The following ADGRB3 variants were observed in gnomAD, a reference collection of about 807,000 sequenced individuals.
The protein encoded by ADGRB3 is brain-specific angiogenesis inhibitor 3.
Under a neutral mutation model 193.4 loss-of-function variants are expected in ADGRB3, and 37 were observed. The ratio of observed to expected loss-of-function variants is 0.19; its 90% CI spans 0.15 to 0.25. The LOEUF (loss-of-function observed/expected upper bound fraction) is 0.25. Among genes scored for constraint, ADGRB3 ranks in the 10% least tolerant of loss-of-function variants. The probability of loss-of-function intolerance (pLI) is 1.00; values close to 1 mark genes in which losing one functional copy is unlikely to be tolerated. For missense variants in ADGRB3, 1,637 were observed against 1,852.9 expected, an observed-to-expected ratio of 0.88 and a Z score of 2.14; for synonymous variants, 690 against 644.2, an observed-to-expected ratio of 1.07 and a Z score of -1.08.
chr6:68,943,153 A>G (rs1426001470), intron 5 of ADGRB3, among the ~76,000 whole-genome samples: 1 of 152,144 alleles, frequency 6.6e-6, no homozygotes, highest in Admixed American at 6.5e-5. Context: ...TTCTGGTTTC[A>G]TCGTCATTAG....
intron 3 of ADGRB3, among the ~76,000 whole-genome samples, chr6:68,801,093 T>C (rs1367107092): frequency 6.6e-6 from 1 of 152,250 alleles, no homozygotes; most frequent in Non-Finnish European, 1.5e-5. Flanking sequence ...AATTAATATG[T>C]ACAGCATTTA....
chr6:69,004,072 A>G (rs1411657469), intron 11 of ADGRB3, among the ~76,000 whole-genome samples: 2 of 152,200 alleles, frequency 1.3e-5, no homozygotes, highest in Non-Finnish European at 2.9e-5. Flanking sequence ...TGAGATTTGC[A>G]TTAGTAAAAG....
chr6:69,141,040 G>T (rs950851253), intron 17 of ADGRB3, among the ~76,000 whole-genome samples: 1 of 150,694 alleles, frequency 6.6e-6, no homozygotes, highest in Admixed American at 6.6e-5. Context: ...ACAATATTTG[G>T]ATAGTAAATG....
intron 17 of ADGRB3, among the ~76,000 whole-genome samples, chr6:69,219,494 CGTGT>C (rs1208865300): frequency 1.5e-5 from 1 of 68,080 alleles, no homozygotes; most frequent in African/African-American, 4.4e-5. Flanking sequence ...TATATATATA[CGTGT>C]GTGTGTATAT....
At chr6:69,148,016 TTG>T (rs1774554720) in intron 17 of ADGRB3, among the ~76,000 whole-genome samples, 1 of 152,166 alleles carries the variant, frequency 6.6e-6, no homozygotes, top group African/African-American at 2.4e-5. Flanking sequence ...TTCAGTCTAT[TTG>T]TGTTTTTATA....
intron 15 of ADGRB3, among the ~76,000 whole-genome samples, chr6:69,050,484 C>CA (rs969971321): frequency 1.3e-5 from 2 of 151,952 alleles, no homozygotes; most frequent in Non-Finnish European, 2.9e-5. Flanking sequence ...AGTTTGAAAA[C>CA]AAAAAAGTCT....
chr6:69,209,736 A>T (rs757831401), intron 17 of ADGRB3, among the ~76,000 whole-genome samples: 1 of 152,234 alleles, frequency 6.6e-6, no homozygotes, highest in African/African-American at 2.4e-5. Context: ...GCATTTGCCA[A>T]GTCAATGGCT....
At chr6:69,367,186 G>T (rs1250165599) in intron 29 of ADGRB3, among the ~76,000 whole-genome samples, 1 of 152,066 alleles carries the variant, frequency 6.6e-6, no homozygotes, top group African/African-American at 2.4e-5. Flanking sequence ...AAGAGTTTTG[G>T]CATATTCTCA....
chr6:69,018,802 C>T (rs932287197), intron 13 of ADGRB3, among the ~76,000 whole-genome samples: 4 of 151,858 alleles, frequency 2.6e-5, no homozygotes, highest in African/African-American at 9.7e-5. Flanking sequence ...GCCAAATGCT[C>T]ATTGCTATCT....
At chr6:68,733,415 C>T (rs1765810743) in intron 3 of ADGRB3, among the ~76,000 whole-genome samples, 1 of 151,616 alleles carries the variant, frequency 6.6e-6, no homozygotes, top group Non-Finnish European at 1.5e-5. Context: ...TGCATGTTCT[C>T]ACTTATACAG....
At chr6:69,001,074 T>C (rs1297280410) in intron 11 of ADGRB3, among the ~76,000 whole-genome samples, 1 of 152,194 alleles carries the variant, frequency 6.6e-6, no homozygotes, top group East Asian at 1.9e-4. Flanking sequence ...GAGGCTATAC[T>C]GGAGTGATAT....
chr6:68,741,336 G>C (rs1320034492), intron 3 of ADGRB3, among the ~76,000 whole-genome samples: 4 of 152,228 alleles, frequency 2.6e-5, no homozygotes, highest in Middle Eastern at 3.4e-3. Flanking sequence ...AAATGTGAGA[G>C]CTGGTATTTG....
At chr6:68,744,219 T>A (rs893282298) in intron 3 of ADGRB3, among the ~76,000 whole-genome samples, 13 of 152,054 alleles carry the variant, frequency 8.5e-5, no homozygotes, top group Non-Finnish European at 1.5e-4. Context: ...GAACTTTTTT[T>A]AATGAATAAA....
chr6:68,981,976 C>T (rs1033282945), intron 10 of ADGRB3, among the ~76,000 whole-genome samples: 9 of 151,824 alleles, frequency 5.9e-5, no homozygotes, highest in African/African-American at 2.2e-4. Context: ...CTCCCAGGTT[C>T]AAGCGATCAA....
chr6:68,678,772 G>A (rs938937467), intron 3 of ADGRB3, among the ~76,000 whole-genome samples: 4 of 151,872 alleles, frequency 2.6e-5, no homozygotes, highest in South Asian at 2.1e-4. Context: ...AAGATTGATC[G>A]TATTGTTATA....
intron 3 of ADGRB3, among the ~76,000 whole-genome samples, chr6:68,821,504 G>T (rs1323226119): frequency 6.6e-6 from 1 of 151,864 alleles, no homozygotes; most frequent in Non-Finnish European, 1.5e-5. Context: ...GTCTCTAATT[G>T]ACACTGGTCT....
intron 3 of ADGRB3, among the ~76,000 whole-genome samples, chr6:68,890,413 T>A (rs1343271225): frequency 1.3e-5 from 2 of 152,220 alleles, no homozygotes; most frequent in Non-Finnish European, 2.9e-5. Flanking sequence ...TGTCCCAAAC[T>A]TTTTTAAAGG....
chr6:69,076,253 C>G (rs1169640846), intron 17 of ADGRB3, among the ~76,000 whole-genome samples: 1 of 152,006 alleles, frequency 6.6e-6, no homozygotes, highest in Non-Finnish European at 1.5e-5. Context: ...ATTGCATTAC[C>G]TACTGTGTAA....
intron 3 of ADGRB3, among the ~76,000 whole-genome samples, chr6:68,784,607 C>T (rs1766923528): frequency 6.6e-6 from 1 of 152,006 alleles, no homozygotes; most frequent in Non-Finnish European, 1.5e-5. Flanking sequence ...GTATAAATTT[C>T]CTCAGTAAAT....
Sources: allele counts gnomAD v4.1 joint callset (sites outside exome capture counted in the v4.1 genomes callset), GRCh38; gene constraint gnomAD v4.1.1; transcripts MANE v1.5; gene names NCBI Gene and HGNC (gene_info 2026-07-23, HGNC 2026-07-21).